ABCA6: variants seen among roughly 807,000 people sequenced by gnomAD.
ABCA6 encodes ATP binding cassette subfamily A member 6.
A neutral mutation model predicts 191.2 loss-of-function variants in ABCA6; 164 were observed. The ratio of observed to expected loss-of-function variants is 0.86; its 90% CI spans 0.76 to 0.98. The LOEUF is 0.98. ABCA6 is among the 50% of genes least tolerant of loss of function. The pLI is 0.00. For missense variants in ABCA6, 1,958 were observed against 1,894.1 expected (o/e 1.03, Z -0.63); for synonymous variants, 636 against 647.7 (o/e 0.98, Z 0.27).
At chr17:69,127,235 C>A (rs2073770874) in intron 8 of ABCA6, among the ~76,000 whole-genome samples, 1 of 152,036 alleles carries the variant, frequency 6.6e-6, no homozygotes, top group African/African-American at 2.4e-5. Flanking sequence ...TTGGTGTAGG[C>A]AATGATTCCT....
intron 20 of ABCA6, chr17:69,103,979 C>G (rs2073237731): frequency 8.6e-6 from 1 of 116,884 alleles, no homozygotes; most frequent in Non-Finnish European, 1.7e-5. Flanking sequence ...TAAGGCCAAA[C>G]CTTAGATGAA....
At chr17:69,110,718 T>C (rs779235458) in intron 17 of ABCA6, 83 bp downstream of exon 17, 158 of 1,457,598 alleles carry the variant, frequency 1.1e-4, no homozygotes, top group Non-Finnish European at 1.4e-4. Context: ...AAGTCTAAAT[T>C]CATTGGACAA....
chr17:69,115,353 T>C, intron 12 of ABCA6, 23 bp downstream of exon 12: 2 of 1,567,982 alleles, frequency 1.3e-6, no homozygotes, highest in South Asian at 2.3e-5. Context: ...CATCTTGCCT[T>C]TGAGAAATTT....
intron 13 of ABCA6, 32 bp downstream of exon 13, chr17:69,114,730 G>GC: frequency 6.4e-7 from 1 of 1,567,194 alleles, no homozygotes; most frequent in Non-Finnish European, 8.7e-7. Flanking sequence ...TAAGTGGTTG[G>GC]CAGGTCAGTT....
At position 69,123,249 on chromosome 17, in the gene ABCA6, C is replaced by A; in HGVS notation, c.1426G>T (p.Glu476Ter). ...EPVAPEFQGK[E>*]AIRIRNVKKE... Reference sequence around the variant, plus strand: ...TATAAGTGTGATTACCTGATGGCTTCTTTTCCTTGGAATTCAGGAGCTACT... The same window carrying A: ...TATAAGTGTGATTACCTGATGGCTTATTTTCCTTGGAATTCAGGAGCTACT... Residue 476 changes from glutamate to a stop codon, truncating the protein, a stop_gained, in exon 10 of 39, where the codon GAA becomes TAA. Coordinates refer to ENST00000284425, the MANE Select transcript of ABCA6 (RefSeq NM_080284.3). LOFTEE classifies it high-confidence loss of function. 1 of 1,487,098 alleles carries A rather than the reference C, an allele frequency of 6.7e-7. No individual in the cohort carries two copies. The highest frequency in any genetic ancestry group is 2.4e-5 in the East Asian group (1 of 41,626). 92.1% of individuals were successfully genotyped at this position (1,487,098 alleles called of 1,614,324 possible).
At chr17:69,134,613 G>A in intron 5 of ABCA6, 26 bp downstream of exon 5, 1 of 1,535,398 alleles carries the variant, frequency 6.5e-7, no homozygotes, top group East Asian at 2.3e-5. Context: ...ACATTAATTA[G>A]TAGAACTTTT....
rs374056337 is a variant in ABCA6 at position 69,130,316 on chromosome 17, C to CAA, written c.792-567_792-566dup. Among the ~76,000 whole-genome samples, 23 of 130,950 alleles carry CAA rather than the reference C, an allele frequency of 1.8e-4. No individual in the cohort carries two copies. The Admixed American group carries it at 1.8e-3, about 10-fold the overall frequency. The allele number at this position is 130,950 out of a possible 152,430, so 85.9% of individuals were successfully genotyped here. On this transcript the variant is annotated intron_variant, in intron 6 of 38. Transcript: ENST00000284425. ...TGGGTGACAGAGCGAGACTCCATCT[C>CAA]AAAAAAAAAAAAAGGATGCCAAAAT...
rs1216360422 is a variant in ABCA6 at position 69,118,899 on chromosome 17, G to C, written c.1437-943C>G. On this transcript the variant is annotated intron_variant, in intron 10 of 38. Transcript: ENST00000284425. Reference sequence around the variant, plus strand: ...GATCTTTAGATTCACACATCTAATGGTTTGCTGCATAGATAGTCTCTCTCT... The same window carrying C: ...GATCTTTAGATTCACACATCTAATGCTTTGCTGCATAGATAGTCTCTCTCT... Among the ~76,000 whole-genome samples the C allele has an allele frequency of 2.0e-5, 3 of 151,770 alleles. No individual in the cohort carries two copies. In the East Asian group the frequency reaches 5.8e-4, roughly 29 times the overall value.
intron 25 of ABCA6, among the ~76,000 whole-genome samples, chr17:69,092,997 T>C (rs1311605095): frequency 6.6e-6 from 1 of 152,228 alleles, no homozygotes; most frequent in Non-Finnish European, 1.5e-5. Context: ...TAAAACTTTT[T>C]AGCCTACTGA....
intron 6 of ABCA6, among the ~76,000 whole-genome samples, chr17:69,131,428 T>C (rs1463075560): frequency 1.3e-5 from 2 of 151,332 alleles, no homozygotes; most frequent in African/African-American, 4.9e-5. Context: ...AGGGAACTAC[T>C]TTAGGTAGGA....
chr17:69,120,868 T>A (rs2073627221), intron 10 of ABCA6, among the ~76,000 whole-genome samples: 1 of 152,030 alleles, frequency 6.6e-6, no homozygotes. Context: ...TTGGGAGTTA[T>A]GAATGAGGAA....
At position 69,106,108 on chromosome 17, in the gene ABCA6, G is replaced by T. The variant is rs766492528; in HGVS notation, c.2493C>A (p.Gly831=). The change falls in exon 19 of 39, where the codon GGC becomes GGA. Residue 831 remains glycine (G), a synonymous_variant. Transcript: ENST00000284425. ...SEMQTAVSDM[G]LWRMQVFAMA... ...TGGCAAAGACTTGCATTCTCCAGAG[G>T]CCCATGTCACTCACAGCTGTCTGCA... 17 of 1,613,714 alleles carry T rather than the reference G, an allele frequency of 1.1e-5. No homozygotes were observed. The Admixed American group carries it at 2.7e-4, about 25-fold the overall frequency.
chr17:69,117,869 G>A, intron 11 of ABCA6, 29 bp downstream of exon 11: 1 of 1,483,428 alleles, frequency 6.7e-7, no homozygotes, highest in Non-Finnish European at 9.3e-7. Flanking sequence ...AGAAGTGAAA[G>A]AATGAAATTT....
chr17:69,080,778 C>A (rs1300600933), intron 37 of ABCA6, among the ~76,000 whole-genome samples: 6 of 152,102 alleles, frequency 3.9e-5, no homozygotes, highest in Non-Finnish European at 8.8e-5. Flanking sequence ...GCAAAGCAGG[C>A]CACACAGAGG....
Position 69,112,204 on chromosome 17 carries a change from C to T in ABCA6, c.2111G>A (p.Trp704Ter), listed in dbSNP as rs749011025. The stretch of plus-strand genomic sequence containing the variant: ...TTACCTTAGGTGATATCCAAGACCC[C>T]ACCTTCTTTTCAAAAACATAGAAGA... ...AGSSMFLKRR[W>*]GLGYHLSLHR... Residue 704 changes from tryptophan to a stop codon, truncating the protein, a stop_gained, in exon 16 of 39, where the codon TGG becomes TAG. Transcript: ENST00000284425. LOFTEE classifies it high-confidence loss of function. The T allele has an allele frequency of 1.2e-6, 2 of 1,612,282 alleles. No individual in the cohort carries two copies. The highest frequency in any genetic ancestry group is 3.3e-5 in the Admixed American group (2 of 59,888).
rs184577830 is a variant in ABCA6 at position 69,123,846 on chromosome 17, A to G, written c.1268-439T>C. ...ATGTCCTTTTTTTCCAGTCTTAACA[A>G]TGGGTTGCATTATCCTTAATAGGCT... On this transcript the variant is annotated intron_variant, in intron 9 of 38. Coordinates refer to ENST00000284425, the MANE Select transcript of ABCA6 (RefSeq NM_080284.3). 6.1e-4 allele frequency among the ~76,000 whole-genome samples: 93 copies of G among 152,176 alleles called. No individual in the cohort carries two copies. The Middle Eastern group carries it at 0.017, about 28-fold the overall frequency.
chr17:69,081,972 T>C (rs1028747615), intron 36 of ABCA6, among the ~76,000 whole-genome samples: 9 of 152,310 alleles, frequency 5.9e-5, no homozygotes, highest in Admixed American at 5.2e-4. Flanking sequence ...TCATGCCCTA[T>C]TCCCAGCTTA....
intron 36 of ABCA6, among the ~76,000 whole-genome samples, chr17:69,082,617 A>G (rs2072666812): frequency 1.3e-5 from 2 of 152,128 alleles, no homozygotes; most frequent in African/African-American, 2.4e-5. Flanking sequence ...CCTTCTCCCA[A>G]GTCTTTCCAA....
Position 69,124,904 on chromosome 17 carries a change from A to G in ABCA6, c.1251T>C (p.Phe417=). The change falls in exon 9 of 39, where the codon TTT becomes TTC. Residue 417 remains phenylalanine (F), a synonymous_variant. Transcript: ENST00000284425. ...GLIYLLLALY[F]DKILPYGDER... is the part of the protein sequence containing the mutation. ...ATTACTTACAGGGTAAAATTTTGTC[A>G]AAGTATAATGCCAATAGCAAGTAGA... is the stretch of plus-strand genomic sequence containing the variant. 4.5e-6 allele frequency: 7 copies of G among 1,564,304 alleles called. No individual in the cohort carries two copies. Among genetic ancestry groups the G allele is most frequent in the Non-Finnish European group, 5.2e-6 (6 of 1,157,342 alleles).
Sources: gnomAD v4.1 joint callset for allele counts (sites outside exome capture counted in the v4.1 genomes callset) on GRCh38, gnomAD v4.1.1 for gene constraint, MANE v1.5 for transcripts, NCBI Gene and HGNC (gene_info 2026-07-23, HGNC 2026-07-21) for gene names.